Variants in GLIS3 observed in about 807,000 individuals in gnomAD.
GLIS3 encodes GLIS family zinc finger 3, also known as zinc finger protein GLIS3.
In GLIS3, 53 loss-of-function variants were observed where a neutral mutation model predicts 78.6. The ratio of observed to expected loss-of-function variants is 0.67; its 90% CI spans 0.54 to 0.85. The LOEUF is 0.85. GLIS3 is among the 40% of genes least tolerant of loss of function. The pLI is 0.00. For synonymous variants in GLIS3, 684 were observed against 509.9 expected (o/e 1.34, Z -4.60); for missense variants, 1,703 against 1,231.1 (o/e 1.38, Z -5.74).
chr9:4,058,176 G>A (rs547578640), intron 4 of GLIS3, among the ~76,000 whole-genome samples: 4 of 152,156 alleles, frequency 2.6e-5, no homozygotes, highest in East Asian at 1.9e-4. Flanking sequence ...ATTTAGCTAT[G>A]AGCCTAGCTT....
the GLIS3 span, among the ~76,000 whole-genome samples, chr9:4,467,201 G>A: frequency 6.6e-6 from 1 of 152,168 alleles, no homozygotes; most frequent in African/African-American, 2.4e-5. Flanking sequence ...CTCCACCTCT[G>A]GGGGCAGGGA....
chr9:3,826,426 TA>T lies in GLIS3; in HGVS notation c.*1845del, dbSNP rs1448785889. On this transcript the variant is annotated 3_prime_UTR_variant, in exon 11 of 11. Coordinates refer to ENST00000381971, the MANE Select transcript of GLIS3 (RefSeq NM_001042413.2). ...TACAAGCAGCCTTGGAGTTCACTTG[TA>T]AAGGAAGCCTGGTGTGCATCTTTTG... 6.6e-6 allele frequency: 1 copy of T among 151,166 alleles called. No homozygotes were observed. The highest frequency in any genetic ancestry group is 2.0e-4 in the East Asian group (1 of 5,086). 9.4% of individuals were successfully genotyped at this position (151,166 alleles called of 1,614,324 possible).
intron 2 of GLIS3, among the ~76,000 whole-genome samples, chr9:4,276,112 C>G (rs1036972564): frequency 6.6e-6 from 1 of 151,184 alleles, no homozygotes; most frequent in Non-Finnish European, 1.5e-5. Flanking sequence ...AGAAAAACCC[C>G]ATATCTACAA....
intron 4 of GLIS3, among the ~76,000 whole-genome samples, chr9:4,054,019 T>C (rs143422359): frequency 2.0e-5 from 3 of 152,366 alleles, no homozygotes; most frequent in African/African-American, 7.2e-5. Flanking sequence ...ACTCTTTGAA[T>C]AGCTTCTTGC....
At chr9:4,037,699 C>A (rs530677976) in intron 4 of GLIS3, among the ~76,000 whole-genome samples, 1 of 152,186 alleles carries the variant, frequency 6.6e-6, no homozygotes, top group Non-Finnish European at 1.5e-5. Flanking sequence ...ACCTTGCCAA[C>A]AGACTCGGAG....
the GLIS3 span, among the ~76,000 whole-genome samples, chr9:4,486,847 G>T: frequency 6.6e-6 from 1 of 152,038 alleles, no homozygotes. Context: ...GTGCCATCAT[G>T]CCCAGGTTAT....
chr9:4,453,992 A>C, the GLIS3 span, among the ~76,000 whole-genome samples: 3 of 151,784 alleles, frequency 2.0e-5, no homozygotes, highest in African/African-American at 7.3e-5. Context: ...AACTTAAAGT[A>C]TAATAAAAAT....
rs184962589 is a variant in GLIS3, at chr9:3,997,596, C to T, written c.1711-60407G>A. 6.8e-4 allele frequency among the ~76,000 whole-genome samples: 103 copies of T among 151,714 alleles called. 1 individual carries two copies. In the South Asian group the frequency reaches 0.02, roughly 30 times the overall value. On this transcript the variant is annotated intron_variant, in intron 4 of 10. Coordinates refer to ENST00000381971, the MANE Select transcript of GLIS3 (RefSeq NM_001042413.2). ...ATATATACATCATGACCAAGTTGAA[C>T]GTTTTTCTAGGAAAGTAAGATTCAT...
intron 2 of GLIS3, among the ~76,000 whole-genome samples, chr9:4,223,284 A>C (rs973706336): frequency 2.6e-5 from 4 of 152,218 alleles, no homozygotes; most frequent in African/African-American, 9.6e-5. Flanking sequence ...TACCACTTCT[A>C]CTGTGTCACT....
chr9:4,355,858 C>A, the GLIS3 span, among the ~76,000 whole-genome samples: 5 of 152,228 alleles, frequency 3.3e-5, no homozygotes, highest in Non-Finnish European at 7.4e-5. Flanking sequence ...TGCTTTCTAA[C>A]TAGAAAGGGG....
chr9:4,329,659 G>A (rs568944034), intron 2 of GLIS3, among the ~76,000 whole-genome samples: 1 of 152,208 alleles, frequency 6.6e-6, no homozygotes, highest in South Asian at 2.1e-4. Flanking sequence ...CAGGATGAGA[G>A]AGAAATTTAA....
the GLIS3 span, among the ~76,000 whole-genome samples, chr9:4,391,315 T>G: frequency 6.6e-6 from 1 of 152,238 alleles, no homozygotes; most frequent in Admixed American, 6.5e-5. Context: ...CTAATTTTTC[T>G]GTGAGAAAAG....
chr9:3,903,972 G>A (rs1433423717), intron 6 of GLIS3, among the ~76,000 whole-genome samples: 1 of 152,152 alleles, frequency 6.6e-6, no homozygotes, highest in Non-Finnish European at 1.5e-5. Flanking sequence ...AATGAGGTCT[G>A]AGGTCACCCT....
At chr9:4,284,368 C>T (rs771699511) in intron 2 of GLIS3, among the ~76,000 whole-genome samples, 9 of 152,120 alleles carry the variant, frequency 5.9e-5, no homozygotes, top group South Asian at 2.1e-4. Context: ...AAGCAAGCTA[C>T]GGTTCACTAG....
intron 2 of GLIS3, among the ~76,000 whole-genome samples, chr9:4,312,326 G>C (rs1817375893): frequency 6.6e-6 from 1 of 152,148 alleles, no homozygotes; most frequent in Non-Finnish European, 1.5e-5. Context: ...AGAAGAGCCA[G>C]GCATGGTGGT....
chr9:3,856,103 C>A lies in GLIS3; in HGVS notation c.2379G>T (p.Gln793His), dbSNP rs1287392694. ...CTGATGGCTGCTGGGTATAGGGAGG[C>A]TGTGTTCTTTGCAGTATTGAAGAAG... is the stretch of plus-strand genomic sequence containing the variant. ...PAPSSILQRT[Q>H]PPYTQQPSGS... is the part of the protein sequence containing the mutation. Residue 793 changes from glutamine (Q) to histidine (H), a missense_variant, in exon 9 of 11, where the codon CAG becomes CAT. Transcript: ENST00000381971. The A allele has an allele frequency of 6.2e-7, 1 of 1,614,136 alleles. No individual in the cohort carries two copies. The highest frequency in any genetic ancestry group is 8.5e-7 in the Non-Finnish European group (1 of 1,180,006).
intron 4 of GLIS3, among the ~76,000 whole-genome samples, chr9:4,096,768 T>C (rs528677964): frequency 7.2e-5 from 11 of 152,070 alleles, no homozygotes; most frequent in Non-Finnish European, 1.2e-4. Flanking sequence ...TCCCAGCACT[T>C]TGGGAGGCCA....
chr9:4,321,540 C>G (rs1233096729), intron 2 of GLIS3, among the ~76,000 whole-genome samples: 4 of 142,244 alleles, frequency 2.8e-5, no homozygotes, highest in South Asian at 2.5e-4. Context: ...ATGGTCTTCT[C>G]TATTTACGTA....
intron 8 of GLIS3, among the ~76,000 whole-genome samples, chr9:3,870,518 G>A (rs1357241240): frequency 6.6e-6 from 1 of 152,192 alleles, no homozygotes; most frequent in African/African-American, 2.4e-5. Context: ...AGTTCCATGT[G>A]GCTGAGGAAG....
Sources: allele counts gnomAD v4.1 joint callset (sites outside exome capture counted in the v4.1 genomes callset), GRCh38; gene constraint gnomAD v4.1.1; transcripts MANE v1.5; gene names NCBI Gene and HGNC (gene_info 2026-07-23, HGNC 2026-07-21).